Variants in DCAF10 observed in about 807,000 individuals in gnomAD.
DCAF10 encodes DDB1- and CUL4-associated factor 10.
In DCAF10, 19 loss-of-function variants were observed where a neutral mutation model predicts 51.9. The ratio of observed to expected loss-of-function variants is 0.37; its 90% CI spans 0.26 to 0.54. The LOEUF (loss-of-function observed/expected upper bound fraction) is 0.54. DCAF10 is among the 20% of genes least tolerant of loss of function. DCAF10 has a pLI of 0.87. For missense variants in DCAF10, 510 were observed against 730.6 expected (o/e 0.70, Z 3.48); for synonymous variants, 291 against 297.1 (o/e 0.98, Z 0.21).
At chr9:37,848,545 A>G (rs1175929013) in intron 3 of DCAF10, among the ~76,000 whole-genome samples, 1 of 152,228 alleles carries the variant, frequency 6.6e-6, no homozygotes, top group African/African-American at 2.4e-5. Context: ...AAAGTTGATT[A>G]GTGGTTGCCT....
At chr9:37,834,717 T>C (rs1269815642) in intron 2 of DCAF10, among the ~76,000 whole-genome samples, 1 of 152,224 alleles carries the variant, frequency 6.6e-6, no homozygotes, top group Non-Finnish European at 1.5e-5. Context: ...ATGAATATGC[T>C]CAATTTATTT....
intron 3 of DCAF10, among the ~76,000 whole-genome samples, chr9:37,844,657 A>G (rs779587915): frequency 1.3e-5 from 2 of 151,980 alleles, no homozygotes; most frequent in South Asian, 2.1e-4. Flanking sequence ...TCTCAAAACA[A>G]TAACAACAGC....
At chr9:37,860,288 C>T in intron 6 of DCAF10, 95 bp downstream of exon 6, 1 of 1,516,862 alleles carries the variant, frequency 6.6e-7, no homozygotes. Flanking sequence ...ACTGCAGTCT[C>T]TGCCTTCAAG....
intron 2 of DCAF10, among the ~76,000 whole-genome samples, chr9:37,828,804 T>C (rs1342929184): frequency 1.3e-5 from 2 of 151,998 alleles, no homozygotes. Flanking sequence ...TATGAAAAAA[T>C]AGAATAAAAT....
chr9:37,817,009 T>C lies in DCAF10; in HGVS notation c.540-2279T>C, dbSNP rs930666446. 1.6e-4 allele frequency among the ~76,000 whole-genome samples: 25 copies of C among 152,102 alleles called. 1 individual carries two copies. Among genetic ancestry groups the C allele is most frequent in the Admixed American group, 1.2e-3 (18 of 15,262 alleles). The stretch of plus-strand genomic sequence containing the variant: ...CTTGCTTTGCCACATAGCAAATATA[T>C]CATAAGCCTTCTAGAAATTAAGATA... On this transcript the variant is annotated intron_variant, in intron 1 of 6. Transcript: ENST00000377724.
intron 1 of DCAF10, among the ~76,000 whole-genome samples, chr9:37,804,561 G>A (rs1432014022): frequency 6.6e-6 from 1 of 152,176 alleles, no homozygotes; most frequent in Non-Finnish European, 1.5e-5. Flanking sequence ...TGGATCACCT[G>A]AGGTTGGGAG....
rs1831023828 is a variant in DCAF10, at chr9:37,861,716, T to G, written c.*208T>G. On this transcript the variant is annotated 3_prime_UTR_variant, in exon 7 of 7. Coordinates refer to ENST00000377724, the MANE Select transcript of DCAF10 (RefSeq NM_024345.5). The surrounding 1 kb of genome is among the most constrained non-coding windows in gnomAD (Gnocchi z 4.9). ...AGTTAGACTCTATGCAGCATCATCTTTTGCAGCATTCCTCTGCTCCTGCTG... is the reference window on the plus strand; with the variant it reads ...AGTTAGACTCTATGCAGCATCATCTGTTGCAGCATTCCTCTGCTCCTGCTG... 5 of 588,328 alleles carry G rather than the reference T, an allele frequency of 8.5e-6. No individual in the cohort carries two copies. Among genetic ancestry groups the G allele is most frequent in the Non-Finnish European group, 1.4e-5 (5 of 353,510 alleles). The allele number at this position is 588,328 out of a possible 1,614,324, so 36.4% of individuals were successfully genotyped here.
intron 1 of DCAF10, among the ~76,000 whole-genome samples, chr9:37,802,496 T>C (rs1022386688): frequency 2.6e-5 from 4 of 152,136 alleles, no homozygotes; most frequent in South Asian, 2.1e-4. Flanking sequence ...ATGGAGATGA[T>C]TGGTATGTCA....
At position 37,822,404 on chromosome 9, in the gene DCAF10, G is replaced by GATATATATATATATATAT. The variant is rs59549239; in HGVS notation, c.653+3024_653+3041dup. On this transcript the variant is annotated intron_variant, in intron 2 of 6. Coordinates refer to ENST00000377724, the MANE Select transcript of DCAF10 (RefSeq NM_024345.5). ...ATCAATGAATGGATAAAGAAACTGT[G>GATATATATATATATATAT]ATATATATATATATATATATATATA... Among the ~76,000 whole-genome samples the GATATATATATATATATAT allele has an allele frequency of 1.3e-3, 164 of 124,546 alleles. 3 individuals are homozygous for GATATATATATATATATAT. The highest frequency in any genetic ancestry group is 1.8e-3 in the Non-Finnish European group (107 of 58,246). The allele number at this position is 124,546 out of a possible 152,430, so 81.7% of individuals were successfully genotyped here.
At chr9:37,839,113 G>T (rs1830258655) in intron 2 of DCAF10, among the ~76,000 whole-genome samples, 1 of 151,348 alleles carries the variant, frequency 6.6e-6, no homozygotes, top group Non-Finnish European at 1.5e-5. Flanking sequence ...GGAGTGCAGT[G>T]GCACGATCTC....
At chr9:37,810,117 ACT>A (rs1829290199) in intron 1 of DCAF10, among the ~76,000 whole-genome samples, 1 of 151,820 alleles carries the variant, frequency 6.6e-6, no homozygotes, top group South Asian at 2.1e-4. Flanking sequence ...GCGCCACTGC[ACT>A]CCAGCCTGGG....
At chr9:37,859,662 G>A (rs1051376676) in intron 5 of DCAF10, among the ~76,000 whole-genome samples, 2 of 152,210 alleles carry the variant, frequency 1.3e-5, no homozygotes, top group South Asian at 4.1e-4. Flanking sequence ...GGACCAATGA[G>A]AGGAGAATTG....
chr9:37,826,543 G>T (rs1482601802), intron 2 of DCAF10, among the ~76,000 whole-genome samples: 3 of 152,128 alleles, frequency 2.0e-5, no homozygotes, highest in Non-Finnish European at 4.4e-5. Context: ...ATCCACAAGA[G>T]CCCACAGGTT....
At chr9:37,804,214 A>G (rs527726280) in intron 1 of DCAF10, among the ~76,000 whole-genome samples, 1 of 151,980 alleles carries the variant, frequency 6.6e-6, no homozygotes, top group African/African-American at 2.4e-5. Context: ...ATAGAGAGAA[A>G]AAGCATACCA....
intron 1 of DCAF10, among the ~76,000 whole-genome samples, chr9:37,813,269 A>AT (rs1829410549): frequency 6.6e-6 from 1 of 151,986 alleles, no homozygotes; most frequent in African/African-American, 2.4e-5. Flanking sequence ...TGGCCATTTT[A>AT]TTTTTTTATA....
Position 37,860,070 on chromosome 9 carries a change from T to C in DCAF10, c.1188T>C (p.Leu396=), listed in dbSNP as rs1433567738. 1 of 1,614,144 alleles carries C rather than the reference T, an allele frequency of 6.2e-7. No individual in the cohort carries two copies. Among genetic ancestry groups the C allele is most frequent in the East Asian group, 2.2e-5 (1 of 44,884 alleles). Residue 396 remains leucine (L), a synonymous_variant, in exon 6 of 7, where the codon CTT becomes CTC. Coordinates refer to ENST00000377724, the MANE Select transcript of DCAF10 (RefSeq NM_024345.5). ...QREGVSPRNS[L]EVVTPEVLGE... Reference sequence around the variant, plus strand: ...CAGGAGTTTCACCACGAAATAGTCTTGAAGTCGTAACCCCTGAAGTTCTTG... The same window carrying C: ...CAGGAGTTTCACCACGAAATAGTCTCGAAGTCGTAACCCCTGAAGTTCTTG...
intron 2 of DCAF10, among the ~76,000 whole-genome samples, chr9:37,822,512 G>C (rs554163135): frequency 3.5e-4 from 52 of 150,138 alleles, no homozygotes; most frequent in South Asian, 2.7e-3. Context: ...TGAGATTGGA[G>C]ACTATTATTT....
In DCAF10 at chr9:37,862,548, G is replaced by A. The variant is rs944017282; in HGVS notation, c.*1040G>A. On this transcript the variant is annotated 3_prime_UTR_variant, in exon 7 of 7. Coordinates refer to ENST00000377724, the MANE Select transcript of DCAF10 (RefSeq NM_024345.5). Reference sequence around the variant, plus strand: ...AAGCCAACTCTGTCACCATTCGTGAGGGGAGAGTTGCAGTCCTCTTCAAGC... The same window carrying A: ...AAGCCAACTCTGTCACCATTCGTGAAGGGAGAGTTGCAGTCCTCTTCAAGC... 1 of 152,202 alleles carries A rather than the reference G, an allele frequency of 6.6e-6. No homozygotes were observed. Among genetic ancestry groups the A allele is most frequent in the African/African-American group, 2.4e-5 (1 of 41,446 alleles). The allele number at this position is 152,202 out of a possible 1,614,324, so 9.4% of individuals were successfully genotyped here. A position where few individuals can be genotyped will look rare whatever the true frequency, so the allele number is the denominator to read the frequency against.
At chr9:37,836,043 G>A (rs767793987) in intron 2 of DCAF10, 3 of 1,095,334 alleles carry the variant, frequency 2.7e-6, no homozygotes, top group African/African-American at 3.1e-5. Flanking sequence ...GCGCCGCCAC[G>A]GTAAGGCTGT....
Sources: allele counts gnomAD v4.1 joint callset (sites outside exome capture counted in the v4.1 genomes callset), GRCh38; gene constraint gnomAD v4.1.1; non-coding constraint Gnocchi (gnomAD v3.1); transcripts MANE v1.5; gene names NCBI Gene and HGNC (gene_info 2026-07-23, HGNC 2026-07-21).